Variants in PDE1C observed in about 807,000 individuals in gnomAD.
The protein encoded by PDE1C is dual specificity calcium/calmodulin-dependent 3',5'-cyclic nucleotide phosphodiesterase 1C.
In PDE1C, 62 loss-of-function variants were observed where a neutral mutation model predicts 93.1. The ratio of observed to expected loss-of-function variants is 0.67; its 90% CI spans 0.54 to 0.82. The LOEUF (loss-of-function observed/expected upper bound fraction) is 0.82, where lower values mean the gene tolerates loss of function less well. PDE1C is among the 40% of genes least tolerant of loss of function. The pLI, the probability that PDE1C is intolerant of heterozygous loss-of-function variation, is 0.00. For synonymous variants in PDE1C, 325 were observed against 310.1 expected, an observed-to-expected ratio of 1.05 and a Z score of -0.50; for missense variants, 742 against 884.6, an observed-to-expected ratio of 0.84 and a Z score of 2.04.
intron 1 of PDE1C, among the ~76,000 whole-genome samples, chr7:32,387,924 G>A (rs891167205): frequency 2.0e-5 from 3 of 152,164 alleles, no homozygotes; most frequent in African/African-American, 7.2e-5. Context: ...GGCAGCTCCA[G>A]TCAGCTCTTC....
chr7:32,156,035 T>C (rs1364724300), intron 3 of PDE1C, among the ~76,000 whole-genome samples: 3 of 152,210 alleles, frequency 2.0e-5, no homozygotes, highest in African/African-American at 7.2e-5. Context: ...CCCCAACCCA[T>C]TCCATGAGTT....
chr7:31,736,457 G>A, the PDE1C span, among the ~76,000 whole-genome samples: 2 of 152,196 alleles, frequency 1.3e-5, no homozygotes, highest in African/African-American at 4.8e-5. Flanking sequence ...GAGACTGGAA[G>A]GGCTCAATAT....
chr7:32,114,783 C>A (rs969891148), intron 3 of PDE1C, among the ~76,000 whole-genome samples: 8 of 151,260 alleles, frequency 5.3e-5, no homozygotes, highest in Non-Finnish European at 1.0e-4. Flanking sequence ...AAATAAACAA[C>A]CCCATCAAAA....
chr7:31,621,966 T>G, the PDE1C span, among the ~76,000 whole-genome samples: 1 of 146,714 alleles, frequency 6.8e-6, no homozygotes, highest in African/African-American at 2.5e-5. Context: ...TAGTCTCTGA[T>G]AAAACAGACT....
chr7:32,307,003 A>T (rs543076921), intron 1 of PDE1C, among the ~76,000 whole-genome samples: 1 of 152,300 alleles, frequency 6.6e-6, no homozygotes, highest in African/African-American at 2.4e-5. Context: ...TTTGGCTTTG[A>T]CATGCTCTAT....
intron 1 of PDE1C, among the ~76,000 whole-genome samples, chr7:32,256,234 GT>G (rs933044007): frequency 3.9e-5 from 6 of 152,334 alleles, no homozygotes; most frequent in Admixed American, 6.5e-5. Context: ...TCTCCCAGAA[GT>G]TTTTTCTGAA....
Position 31,966,404 on chromosome 7 carries a change from A to G in PDE1C, c.128+85150T>C, listed in dbSNP as rs189260985. Among the ~76,000 whole-genome samples, 699 of 152,246 alleles carry G rather than the reference A, an allele frequency of 4.6e-3. 7 individuals carry two copies. Among genetic ancestry groups the G allele is most frequent in the African/African-American group, 0.016 (645 of 41,546 alleles). ...TAAAGGGATCAATTCAACAAGAAGA[A>G]CTAACTATCCTAAATATATATGCAC... On this transcript the variant is annotated intron_variant, in intron 2 of 17. Transcript: ENST00000396191.
chr7:31,927,796 A>G (rs909054523), intron 2 of PDE1C, among the ~76,000 whole-genome samples: 2 of 152,190 alleles, frequency 1.3e-5, no homozygotes, highest in Admixed American at 1.3e-4. Flanking sequence ...CATCAGCATC[A>G]AAGATCAAAG....
At chr7:31,922,191 C>T (rs1475835257) in intron 2 of PDE1C, among the ~76,000 whole-genome samples, 1 of 152,168 alleles carries the variant, frequency 6.6e-6, no homozygotes, top group East Asian at 1.9e-4. Flanking sequence ...GTGTGATATC[C>T]TTGGCCCCTC....
At chr7:31,666,286 T>C in the PDE1C span, among the ~76,000 whole-genome samples, 1 of 152,174 alleles carries the variant, frequency 6.6e-6, no homozygotes, top group Non-Finnish European at 1.5e-5. Flanking sequence ...CTATGAGAAA[T>C]TAACCGGTCT....
chr7:31,913,645 G>C (rs1021368704), intron 2 of PDE1C, among the ~76,000 whole-genome samples: 10 of 152,260 alleles, frequency 6.6e-5, no homozygotes, highest in African/African-American at 2.4e-4. Context: ...GGCAACTCAA[G>C]TGATCAAGTC....
the PDE1C span, among the ~76,000 whole-genome samples, chr7:31,679,228 G>T: frequency 6.6e-6 from 1 of 152,162 alleles, no homozygotes; most frequent in Non-Finnish European, 1.5e-5. Context: ...CCAAAACTCT[G>T]CACAGAGACC....
chr7:32,363,091 A>C (rs1162922886), intron 1 of PDE1C, among the ~76,000 whole-genome samples: 2 of 152,238 alleles, frequency 1.3e-5, no homozygotes, highest in East Asian at 3.8e-4. Context: ...AAATATAGTG[A>C]CCACATAATT....
intron 2 of PDE1C, among the ~76,000 whole-genome samples, chr7:31,956,383 C>T (rs546109778): frequency 6.6e-6 from 1 of 152,210 alleles, no homozygotes; most frequent in Admixed American, 6.5e-5. Context: ...TGAGCCACTG[C>T]ACCCAGCCCC....
At chr7:32,313,419 T>C (rs561143893) in intron 1 of PDE1C, among the ~76,000 whole-genome samples, 7 of 151,860 alleles carry the variant, frequency 4.6e-5, no homozygotes, top group Non-Finnish European at 7.4e-5. Flanking sequence ...ACCCAAAGGA[T>C]TATAAATCAT....
At chr7:32,042,117 T>C (rs1356610050) in intron 2 of PDE1C, among the ~76,000 whole-genome samples, 2 of 152,032 alleles carry the variant, frequency 1.3e-5, no homozygotes, top group African/African-American at 4.8e-5. Flanking sequence ...CTGGCCAACA[T>C]AGTAAAACCC....
intron 2 of PDE1C, among the ~76,000 whole-genome samples, chr7:31,974,034 C>T (rs62457462): frequency 1.1e-3 from 170 of 152,258 alleles, no homozygotes; most frequent in Middle Eastern, 3.4e-3. Flanking sequence ...TAGTAACTCT[C>T]ATTGTTCAGA....
rs1251816783 is a variant in PDE1C at position 32,248,890 on chromosome 7, G to C, written c.86-39351C>G. On this transcript the variant is annotated intron_variant, in intron 1 of 18. Transcript: ENST00000396193. The stretch of plus-strand genomic sequence containing the variant: ...AATGCTGCTGTGTATGGGAAGACCA[G>C]ACATGAGACATGTTGGGTAGGGGTA... Among the ~76,000 whole-genome samples, 4 of 152,186 alleles carry C rather than the reference G, an allele frequency of 2.6e-5. No individual in the cohort carries two copies. The East Asian group carries it at 7.7e-4, about 29-fold the overall frequency.
At chr7:32,220,734 C>T (rs1355578635) in intron 1 of PDE1C, among the ~76,000 whole-genome samples, 4 of 152,180 alleles carry the variant, frequency 2.6e-5, no homozygotes, top group African/African-American at 4.8e-5. Flanking sequence ...AGGAGAATGG[C>T]GTGAACCCAG....
Sources: gnomAD v4.1 joint callset for allele counts (sites outside exome capture counted in the v4.1 genomes callset) on GRCh38, gnomAD v4.1.1 for gene constraint, MANE v1.5 for transcripts, NCBI Gene and HGNC (gene_info 2026-07-23, HGNC 2026-07-21) for gene names.